The following OCIAD1 variants were observed in gnomAD, a reference collection of about 807,000 sequenced individuals.
The protein encoded by OCIAD1 is OCIA domain containing 1.
Under a neutral mutation model 38.9 loss-of-function variants are expected in OCIAD1, and 29 were observed. The observed-to-expected ratio is 0.74, with a 90% CI of 0.55 to 1.02. The LOEUF is 1.02. Ranked by LOEUF, OCIAD1 falls within the 50% of genes least tolerant of loss-of-function variation. The probability of loss-of-function intolerance (pLI) is 0.00; values close to 1 mark genes in which losing one functional copy is unlikely to be tolerated. For missense variants in OCIAD1, 288 were observed against 289.6 expected, an observed-to-expected ratio of 0.99 and a Z score of 0.04; for synonymous variants, 110 against 92.0, an observed-to-expected ratio of 1.20 and a Z score of -1.12.
chr4:48,852,263 G>A (rs530035797), intron 7 of OCIAD1: 210 of 256,612 alleles, frequency 8.2e-4, no homozygotes, highest in Non-Finnish European at 1.3e-3. Flanking sequence ...TGAATTACTA[G>A]TATGTCCCAG....
chr4:48,811,609 C>A (rs532345929), intron 1 of OCIAD1, among the ~76,000 whole-genome samples: 7 of 152,282 alleles, frequency 4.6e-5, no homozygotes, highest in African/African-American at 1.4e-4. Flanking sequence ...CAAGATCATG[C>A]CACTGCACTA....
Position 48,806,155 on chromosome 4 carries a change from T to C in OCIAD1, c.-103+825T>C, listed in dbSNP as rs1777021456. ...GGTGGCAGGCGCCTGTAGTCCCAGC[T>C]ACTAGGGAGGCTGAGGCAGGAGAAT... On this transcript the variant is annotated intron_variant, in intron 1 of 6. Transcript: ENST00000504654. Among the ~76,000 whole-genome samples the C allele has an allele frequency of 2.6e-5, 4 of 152,040 alleles. 1 individual carries two copies. In the South Asian group the frequency reaches 8.3e-4, roughly 32 times the overall value.
At chr4:48,815,087 G>C (rs1212691208) in intron 1 of OCIAD1, among the ~76,000 whole-genome samples, 1 of 152,208 alleles carries the variant, frequency 6.6e-6, no homozygotes, top group African/African-American at 2.4e-5. Context: ...GCTGAGGTGG[G>C]CAGATCATGA....
chr4:48,841,138 G>A (rs1373044176), intron 3 of OCIAD1, among the ~76,000 whole-genome samples: 4 of 152,192 alleles, frequency 2.6e-5, no homozygotes, highest in African/African-American at 7.2e-5. Context: ...ACACAGCTAC[G>A]TTCATGTGTT....
At chr4:48,817,538 T>C (rs1264527276) in intron 1 of OCIAD1, among the ~76,000 whole-genome samples, 1 of 152,196 alleles carries the variant, frequency 6.6e-6, no homozygotes, top group Non-Finnish European at 1.5e-5. Flanking sequence ...AGAAGTATTT[T>C]TTCATACCCC....
chr4:48,857,869 C>T (rs776088299), intron 8 of OCIAD1, among the ~76,000 whole-genome samples: 1 of 152,038 alleles, frequency 6.6e-6, no homozygotes, highest in Non-Finnish European at 1.5e-5. Flanking sequence ...ATAATGAAGT[C>T]AAGGCCAGGT....
At chr4:48,849,925 T>C (rs1579094821) in intron 5 of OCIAD1, 22 bp from the exon 6 acceptor site, 1 of 1,586,208 alleles carries the variant, frequency 6.3e-7, no homozygotes, top group East Asian at 2.2e-5. Flanking sequence ...AGTTACACTT[T>C]TTGTTTGATT....
chr4:48,805,641 G>T (rs1373271833), intron 1 of OCIAD1, among the ~76,000 whole-genome samples: 4 of 151,668 alleles, frequency 2.6e-5, no homozygotes, highest in East Asian at 3.9e-4. Flanking sequence ...CTGTGATTGG[G>T]CCATTGTACT....
At chr4:48,852,876 T>TTTTTTG (rs1553901183) in intron 7 of OCIAD1, among the ~76,000 whole-genome samples, 142 of 136,736 alleles carry the variant, frequency 1.0e-3, no homozygotes, top group Non-Finnish European at 1.8e-3. Flanking sequence ...TTTTTTTTTG[T>TTTTTTG]TTTTTGTTTT....
chr4:48,854,681 C>T (rs1177625472), intron 7 of OCIAD1, among the ~76,000 whole-genome samples: 3 of 152,188 alleles, frequency 2.0e-5, no homozygotes, highest in Admixed American at 1.3e-4. Context: ...TCCATCCATC[C>T]ACTGCTCTGC....
chr4:48,842,153 C>T (rs1778590799), intron 3 of OCIAD1, among the ~76,000 whole-genome samples: 1 of 152,130 alleles, frequency 6.6e-6, no homozygotes, highest in Admixed American at 6.5e-5. Context: ...GTGGTAATAA[C>T]ATTATCTACC....
At chr4:48,809,250 G>A (rs1229273102) in intron 1 of OCIAD1, among the ~76,000 whole-genome samples, 5 of 152,152 alleles carry the variant, frequency 3.3e-5, no homozygotes, top group Admixed American at 3.3e-4. Flanking sequence ...GGCCAGGCGC[G>A]GTGGCTCACG....
intron 1 of OCIAD1, among the ~76,000 whole-genome samples, chr4:48,814,393 C>A (rs1777123406): frequency 6.6e-6 from 1 of 150,452 alleles, no homozygotes; most frequent in South Asian, 2.1e-4. Flanking sequence ...AAAAAACTCT[C>A]CTCTAACTTT....
chr4:48,814,321 A>G (rs998844803), intron 1 of OCIAD1, among the ~76,000 whole-genome samples: 4 of 150,328 alleles, frequency 2.7e-5, no homozygotes, highest in African/African-American at 9.8e-5. Context: ...CTATTCAGAA[A>G]GCCTTTTTTT....
At chr4:48,836,820 A>C (rs1778025424) in intron 3 of OCIAD1, among the ~76,000 whole-genome samples, 1 of 152,142 alleles carries the variant, frequency 6.6e-6, no homozygotes, top group South Asian at 2.1e-4. Context: ...GATGATGTCC[A>C]TTTTAAATTT....
chr4:48,832,816 C>G, intron 2 of OCIAD1, 134 bp downstream of exon 2: 1 of 696,050 alleles, frequency 1.4e-6, no homozygotes, highest in Admixed American at 2.2e-5. Flanking sequence ...GTTTCATGTT[C>G]TAGTCTTGTT....
rs143089129 is a variant in OCIAD1 at position 48,820,990 on chromosome 4, A to G, written c.-102-9587A>G. Among the ~76,000 whole-genome samples the G allele has an allele frequency of 4.7e-3, 723 of 152,330 alleles. 2 individuals are homozygous for G. The highest frequency in any genetic ancestry group is 0.017 in the Middle Eastern group (5 of 292). ...AGAGGTACAAGGAGGAGCTGGTACC[A>G]TTCGTTCTGAAACTATTCCAAACAA... On this transcript the variant is annotated intron_variant, in intron 1 of 6. Coordinates refer to the OCIAD1 transcript ENST00000504654.
chr4:48,854,140 C>G (rs1385056491), intron 7 of OCIAD1, among the ~76,000 whole-genome samples: 2 of 152,244 alleles, frequency 1.3e-5, no homozygotes, highest in East Asian at 3.9e-4. Context: ...GTAGTCCCCC[C>G]TTATCCATGG....
chr4:48,860,775 T>G lies in OCIAD1; in HGVS notation c.*13T>G, dbSNP rs1223492193. 1.9e-6 allele frequency: 3 copies of G among 1,598,644 alleles called. No individual in the cohort carries two copies. In the Admixed American group the frequency reaches 5.0e-5, roughly 27 times the overall value. On this transcript the variant is annotated 3_prime_UTR_variant, in exon 9 of 9. Transcript: ENST00000264312. ...TTGGGATGAGTGAAAAATTACATCA[T>G]TGGACATGAAGGAGTTTCAACATCC...
Sources: gnomAD v4.1 joint callset for allele counts (sites outside exome capture counted in the v4.1 genomes callset) on GRCh38, gnomAD v4.1.1 for gene constraint, MANE v1.5 for transcripts, NCBI Gene and HGNC (gene_info 2026-07-23, HGNC 2026-07-21) for gene names.